UGGT2: variants seen among roughly 807,000 people sequenced by gnomAD.
UGGT2 encodes UDP-glucose glycoprotein glucosyltransferase 2.
A neutral mutation model predicts 192.1 loss-of-function variants in UGGT2; 180 were observed. The observed-to-expected ratio is 0.94, with a 90% CI of 0.83 to 1.06. The LOEUF (loss-of-function observed/expected upper bound fraction) is 1.06. Ranked by LOEUF, UGGT2 falls within the 50% of genes least tolerant of loss-of-function variation. UGGT2 has a pLI of 0.00. For missense variants in UGGT2, 1,849 were observed against 1,795.7 expected (o/e 1.03, Z -0.54); for synonymous variants, 580 against 591.0 (o/e 0.98, Z 0.27).
intron 1 of UGGT2, among the ~76,000 whole-genome samples, chr13:96,048,369 A>G (rs569932279): frequency 1.3e-5 from 2 of 152,356 alleles, no homozygotes; most frequent in Non-Finnish European, 2.9e-5. Context: ...CTAAATGTCC[A>G]CAAGAGAAAG....
chr13:95,972,724 T>G (rs1273473942), intron 10 of UGGT2, 53 bp from the exon 11 acceptor site: 1 of 1,318,618 alleles, frequency 7.6e-7, no homozygotes, highest in Admixed American at 1.9e-5. Flanking sequence ...TAGTGACCTA[T>G]ATTAGGGGTC....
chr13:95,925,796 C>T, intron 19 of UGGT2, 22 bp from the exon 20 acceptor site: 1 of 1,478,308 alleles, frequency 6.8e-7, no homozygotes, highest in Non-Finnish European at 9.1e-7. Flanking sequence ...AAACAGTTTA[C>T]TCAAATTAAC....
chr13:96,017,583 C>T (rs892819936), intron 4 of UGGT2, among the ~76,000 whole-genome samples: 6 of 152,144 alleles, frequency 3.9e-5, no homozygotes, highest in South Asian at 2.1e-4. Flanking sequence ...CACATAAAAT[C>T]GGTACATACC....
chr13:95,951,388 G>C (rs901955771), intron 12 of UGGT2, among the ~76,000 whole-genome samples: 3 of 152,220 alleles, frequency 2.0e-5, no homozygotes, highest in Non-Finnish European at 4.4e-5. Context: ...AGGAAGAAAA[G>C]AGAAAGGAAG....
intron 2 of UGGT2, among the ~76,000 whole-genome samples, chr13:96,025,352 A>C (rs968231348): frequency 2.0e-5 from 3 of 152,212 alleles, no homozygotes; most frequent in African/African-American, 7.2e-5. Context: ...CTGTACAGTC[A>C]ATCAGGCAAT....
intron 8 of UGGT2, among the ~76,000 whole-genome samples, chr13:95,987,010 C>G (rs1347683990): frequency 6.6e-6 from 1 of 152,072 alleles, no homozygotes; most frequent in East Asian, 1.9e-4. Context: ...AGTATTATTA[C>G]TTTGTCAAGA....
At position 95,970,122 on chromosome 13, in the gene UGGT2, G is replaced by C; in HGVS notation, c.1325C>G (p.Ser442Cys). The C allele has an allele frequency of 6.2e-7, 1 of 1,606,822 alleles. No individual in the cohort carries two copies. Among genetic ancestry groups the C allele is most frequent in the Non-Finnish European group, 8.5e-7 (1 of 1,174,058 alleles). ...EYTYVLDIRH[S>C]SIMWINDLEN... ...AGCATAAGCACTTACCATTATAGAA[G>C]AATGTCGAATATCTAATACATAAGT... Residue 442 changes from serine to cysteine, a missense_variant, in exon 12 of 39, where the codon TCT becomes TGT. By Grantham distance (112) the Ser-to-Cys change is moderately radical. Coordinates refer to ENST00000376747, the MANE Select transcript of UGGT2 (RefSeq NM_020121.4).
chr13:95,900,728 G>A, intron 22 of UGGT2, 79 bp downstream of exon 22: 3 of 1,425,600 alleles, frequency 2.1e-6, no homozygotes, highest in Non-Finnish European at 2.8e-6. Flanking sequence ...GTCACATCAG[G>A]GGAATTGTGA....
chr13:95,852,895 A>G (rs1377385173), intron 36 of UGGT2, among the ~76,000 whole-genome samples: 2 of 152,154 alleles, frequency 1.3e-5, no homozygotes, highest in African/African-American at 2.4e-5. Context: ...GATGGAAAAG[A>G]GTAAGAAAAA....
intron 16 of UGGT2, among the ~76,000 whole-genome samples, chr13:95,937,806 G>A (rs10508027): frequency 0.11 from 16,468 of 152,160 alleles, 1,013 homozygotes; most frequent in Middle Eastern, 0.18. Context: ...TCCAAGTGAG[G>A]AGAATATAGC....
chr13:96,022,946 T>C (rs538864867), intron 4 of UGGT2, 94 bp downstream of exon 4: 2 of 769,888 alleles, frequency 2.6e-6, no homozygotes, highest in South Asian at 4.3e-5. Context: ...TACAATGTCT[T>C]AGAATATTAA....
chr13:96,053,134 G>C, intron 1 of UGGT2, 21 bp downstream of exon 1: 1 of 1,473,190 alleles, frequency 6.8e-7, no homozygotes, highest in Admixed American at 2.3e-5. Flanking sequence ...CCGCCCGGAC[G>C]AGGGCCCGGC....
chr13:95,888,067 T>C, intron 25 of UGGT2, 96 bp from the exon 26 acceptor site: 1 of 775,078 alleles, frequency 1.3e-6, no homozygotes, highest in Non-Finnish European at 2.0e-6. Context: ...ATTAAAACTT[T>C]ATGTTCATTA....
intron 23 of UGGT2, among the ~76,000 whole-genome samples, chr13:95,894,941 C>T (rs2047904875): frequency 6.6e-6 from 1 of 152,046 alleles, no homozygotes; most frequent in South Asian, 2.1e-4. Context: ...AGGGAGGAGA[C>T]TGGGGTGGAT....
intron 20 of UGGT2, among the ~76,000 whole-genome samples, chr13:95,914,918 A>G (rs2048633950): frequency 7.6e-6 from 1 of 131,884 alleles, no homozygotes; most frequent in Non-Finnish European, 1.8e-5. Context: ...TGTCAAGAAC[A>G]TCACACACTA....
At chr13:95,802,481 A>C (rs1884104890) in intron 38 of UGGT2, among the ~76,000 whole-genome samples, 9 of 152,232 alleles carry the variant, frequency 5.9e-5, no homozygotes, top group Admixed American at 5.9e-4. Flanking sequence ...AAAGATAATA[A>C]ATATAAAAAG....
At chr13:95,832,561 T>C (rs1379112714) in intron 38 of UGGT2, 2 of 325,970 alleles carry the variant, frequency 6.1e-6, no homozygotes, top group Middle Eastern at 6.5e-4. Context: ...TAGTTAGCTA[T>C]GTAAAGCTTT....
intron 12 of UGGT2, among the ~76,000 whole-genome samples, chr13:95,951,179 C>T (rs897576553): frequency 1.3e-5 from 2 of 151,606 alleles, no homozygotes; most frequent in African/African-American, 2.4e-5. Context: ...CTAAAAGAAA[C>T]GATGTCTAAA....
intron 4 of UGGT2, 121 bp downstream of exon 4, chr13:96,022,919 A>T: frequency 1.8e-6 from 1 of 562,268 alleles, no homozygotes; most frequent in Non-Finnish European, 2.7e-6. Flanking sequence ...TTTCAATACA[A>T]ATCACATTCT....
Sources: gnomAD v4.1 joint callset for allele counts (sites outside exome capture counted in the v4.1 genomes callset) on GRCh38, gnomAD v4.1.1 for gene constraint, MANE v1.5 for transcripts, NCBI Gene and HGNC (gene_info 2026-07-23, HGNC 2026-07-21) for gene names.